Variants in MGAT4C observed in about 807,000 individuals in gnomAD.
The protein encoded by MGAT4C is MGAT4 family member C.
Under a neutral mutation model 40.1 loss-of-function variants are expected in MGAT4C, and 19 were observed. That is an observed-to-expected ratio of 0.47 (90% CI 0.33 to 0.70). MGAT4C has a LOEUF of 0.70. MGAT4C is among the 30% of genes least tolerant of loss of function. The pLI is 0.02. For synonymous variants in MGAT4C, 181 were observed against 187.1 expected, an observed-to-expected ratio of 0.97 and a Z score of 0.27; for missense variants, 491 against 563.2, an observed-to-expected ratio of 0.87 and a Z score of 1.30.
intron 1 of MGAT4C, among the ~76,000 whole-genome samples, chr12:86,826,316 A>G (rs1952807803): frequency 6.6e-6 from 1 of 151,416 alleles, no homozygotes; most frequent in African/African-American, 2.4e-5. Context: ...AGTTTATGTC[A>G]TGAGGTCACA....
intron 2 of MGAT4C, among the ~76,000 whole-genome samples, chr12:86,004,261 A>T (rs1193190295): frequency 6.6e-6 from 1 of 152,152 alleles, no homozygotes; most frequent in Non-Finnish European, 1.5e-5. Context: ...ATGGGCAAAC[A>T]TTATTAGGTA....
intron 3 of MGAT4C, among the ~76,000 whole-genome samples, chr12:86,340,834 AG>A (rs1954891461): frequency 6.6e-6 from 1 of 152,164 alleles, no homozygotes; most frequent in African/African-American, 2.4e-5. Context: ...GACATAAAGG[AG>A]TTCAGAAGAA....
At chr12:86,069,063 C>T (rs1894834297) in intron 1 of MGAT4C, among the ~76,000 whole-genome samples, 1 of 152,094 alleles carries the variant, frequency 6.6e-6, no homozygotes, top group South Asian at 2.1e-4. Flanking sequence ...CAGATTGTCT[C>T]CTGCTGCTGC....
rs576458771 is a variant in MGAT4C at position 86,062,377 on chromosome 12, C to G, written c.-56-12654G>C. ...CTCAGAGACCCCATCTGAAGATCAC[C>G]AACATCAAAGATCAAAGGTAGATCA... On this transcript the variant is annotated intron_variant, in intron 1 of 4. Coordinates refer to ENST00000611864, the MANE Select transcript of MGAT4C (RefSeq NM_001351288.2). Among the ~76,000 whole-genome samples, 99 of 152,126 alleles carry G rather than the reference C, an allele frequency of 6.5e-4. 1 individual carries two copies. Among genetic ancestry groups the G allele is most frequent in the Admixed American group, 7.9e-4 (12 of 15,274 alleles).
At chr12:86,362,634 A>G (rs1240295019) in intron 3 of MGAT4C, among the ~76,000 whole-genome samples, 1 of 152,092 alleles carries the variant, frequency 6.6e-6, no homozygotes, top group Non-Finnish European at 1.5e-5. Flanking sequence ...AGCAATTAAA[A>G]GAATGTGAGG....
At chr12:86,443,992 G>C (rs530479749) in intron 2 of MGAT4C, among the ~76,000 whole-genome samples, 1 of 151,842 alleles carries the variant, frequency 6.6e-6, no homozygotes, top group Non-Finnish European at 1.5e-5. Flanking sequence ...CATCCTCATC[G>C]GTGTTTAATA....
At chr12:86,091,656 T>A (rs141838006) in intron 1 of MGAT4C, among the ~76,000 whole-genome samples, 3 of 152,246 alleles carry the variant, frequency 2.0e-5, no homozygotes, top group African/African-American at 7.2e-5. Context: ...TAATACCTCT[T>A]TTATTTTATG....
intron 1 of MGAT4C, among the ~76,000 whole-genome samples, chr12:86,782,375 G>C (rs1273153504): frequency 6.6e-6 from 1 of 151,716 alleles, no homozygotes; most frequent in Admixed American, 6.6e-5. Context: ...TAGAGACAGG[G>C]TTTCACCATG....
intron 2 of MGAT4C, among the ~76,000 whole-genome samples, chr12:86,618,620 A>G (rs1962536079): frequency 6.6e-6 from 1 of 152,218 alleles, no homozygotes; most frequent in Admixed American, 6.5e-5. Flanking sequence ...TGAGAGTTAA[A>G]AAATTGATCT....
At chr12:86,380,007 T>A (rs1955899204) in intron 3 of MGAT4C, among the ~76,000 whole-genome samples, 1 of 152,220 alleles carries the variant, frequency 6.6e-6, no homozygotes, top group Non-Finnish European at 1.5e-5. Context: ...TTTCACTCTA[T>A]GAATTTTAAG....
intron 1 of MGAT4C, among the ~76,000 whole-genome samples, chr12:86,253,906 C>T (rs1490124746): frequency 6.6e-6 from 1 of 151,732 alleles, no homozygotes; most frequent in African/African-American, 2.4e-5. Context: ...TATTATTTTG[C>T]AATAGGTAAA....
chr12:86,570,541 T>C lies in MGAT4C; in HGVS notation c.-228-135276A>G, dbSNP rs144315643. Among the ~76,000 whole-genome samples, 543 of 152,180 alleles carry C rather than the reference T, an allele frequency of 3.6e-3. 1 individual carries two copies. The highest frequency in any genetic ancestry group is 0.011 in the African/African-American group (469 of 41,536). On this transcript the variant is annotated intron_variant, in intron 2 of 7. Coordinates refer to the MGAT4C transcript ENST00000548651. ...AAATTAAACTAAAAAAGCGCATCCA[T>C]TTAAAATGGCTCAAAAATATGTAAT...
At chr12:86,432,852 T>G (rs2136270830) in intron 3 of MGAT4C, among the ~76,000 whole-genome samples, 1 of 152,294 alleles carries the variant, frequency 6.6e-6, no homozygotes, top group African/African-American at 2.4e-5. Flanking sequence ...GCAATGAATT[T>G]GCATCCTGTT....
At chr12:86,556,092 G>T (rs1223356336) in intron 2 of MGAT4C, among the ~76,000 whole-genome samples, 1 of 152,156 alleles carries the variant, frequency 6.6e-6, no homozygotes, top group Non-Finnish European at 1.5e-5. Context: ...TGCTCTTCAA[G>T]AAATTATTAT....
intron 1 of MGAT4C, among the ~76,000 whole-genome samples, chr12:86,135,323 A>C (rs1881782131): frequency 6.6e-6 from 1 of 152,182 alleles, no homozygotes; most frequent in Non-Finnish European, 1.5e-5. Flanking sequence ...GGAGGAACTA[A>C]TGGACAGTCT....
At chr12:86,210,559 G>T (rs553185088) in intron 1 of MGAT4C, among the ~76,000 whole-genome samples, 1 of 152,240 alleles carries the variant, frequency 6.6e-6, no homozygotes, top group East Asian at 1.9e-4. Flanking sequence ...TAGGTCAATG[G>T]CTTCCAATTA....
intron 1 of MGAT4C, among the ~76,000 whole-genome samples, chr12:86,755,785 T>C (rs1364542773): frequency 6.6e-6 from 1 of 151,866 alleles, no homozygotes; most frequent in African/African-American, 2.4e-5. Flanking sequence ...TAGCTGGGAC[T>C]AAGTGCATGT....
At chr12:86,146,716 G>A (rs1350297595) in intron 1 of MGAT4C, among the ~76,000 whole-genome samples, 1 of 151,762 alleles carries the variant, frequency 6.6e-6, no homozygotes, top group Admixed American at 6.6e-5. Context: ...AAAATTTAGT[G>A]TCTTCTCAAT....
intron 3 of MGAT4C, among the ~76,000 whole-genome samples, chr12:86,382,063 A>C (rs1955942507): frequency 6.6e-6 from 1 of 152,190 alleles, no homozygotes; most frequent in African/African-American, 2.4e-5. Context: ...CGACTTTGGA[A>C]CTGGGTAATA....
Sources: gnomAD v4.1 joint callset for allele counts (sites outside exome capture counted in the v4.1 genomes callset) on GRCh38, gnomAD v4.1.1 for gene constraint, MANE v1.5 for transcripts, NCBI Gene and HGNC (gene_info 2026-07-23, HGNC 2026-07-21) for gene names.